Variants in DDX60L observed in about 807,000 individuals in gnomAD.
The protein encoded by DDX60L is probable ATP-dependent RNA helicase DDX60-like.
A neutral mutation model predicts 211.6 loss-of-function variants in DDX60L; 191 were observed. The ratio of observed to expected loss-of-function variants is 0.90; its 90% CI spans 0.80 to 1.02. The LOEUF (loss-of-function observed/expected upper bound fraction) is 1.02, where lower values mean the gene tolerates loss of function less well. Ranked by LOEUF, DDX60L falls within the 50% of genes least tolerant of loss-of-function variation. DDX60L has a pLI of 0.00. For missense variants in DDX60L, 2,007 were observed against 1,984.1 expected, an observed-to-expected ratio of 1.01 and a Z score of -0.22; for synonymous variants, 706 against 694.1, an observed-to-expected ratio of 1.02 and a Z score of -0.27.
chr4:168,367,419 C>T (rs558935985), intron 36 of DDX60L, among the ~76,000 whole-genome samples: 5 of 152,286 alleles, frequency 3.3e-5, no homozygotes, highest in African/African-American at 1.2e-4. Flanking sequence ...TGCCTTTCAC[C>T]TTCTGCCATG....
At chr4:168,382,571 T>G (rs1410949765) in intron 30 of DDX60L, among the ~76,000 whole-genome samples, 8 of 152,146 alleles carry the variant, frequency 5.3e-5, no homozygotes, top group Non-Finnish European at 1.0e-4. Context: ...TGAGAATACA[T>G]TCAATCTTTC....
At chr4:168,425,100 G>A (rs1282786131) in intron 14 of DDX60L, among the ~76,000 whole-genome samples, 6 of 152,192 alleles carry the variant, frequency 3.9e-5, no homozygotes, top group African/African-American at 7.2e-5. Flanking sequence ...GGTACAATAC[G>A]ATGATAGCGG....
At position 168,358,220 on chromosome 4, in the gene DDX60L, T is replaced by G; in HGVS notation, c.5048A>C (p.Lys1683Thr). The part of the protein sequence containing the change: ...NKRDNVVLAF[K>T]QLSQTFYEKL... ...CTCATAAAAGGTTTGACTCAATTGTTTAAATGCCAGGACTACATTGTCACG... is the reference window on the plus strand; with the variant it reads ...CTCATAAAAGGTTTGACTCAATTGTGTAAATGCCAGGACTACATTGTCACG... The change falls in exon 38 of 38, where the codon AAA (lysine) becomes ACA (threonine). Residue 1683 changes from lysine (K) to threonine (T), a missense_variant. Coordinates refer to ENST00000682922, the MANE Select transcript of DDX60L (RefSeq NM_001012967.3). The G allele has an allele frequency of 6.2e-7, 1 of 1,606,482 alleles. No individual in the cohort carries two copies. Among genetic ancestry groups the G allele is most frequent in the Non-Finnish European group, 8.5e-7 (1 of 1,175,514 alleles).
chr4:168,387,688 T>A (rs1744140108), intron 29 of DDX60L, among the ~76,000 whole-genome samples: 1 of 152,222 alleles, frequency 6.6e-6, no homozygotes, highest in African/African-American at 2.4e-5. Context: ...AGGACACCAC[T>A]GCAGAAAAGT....
intron 10 of DDX60L, among the ~76,000 whole-genome samples, chr4:168,436,031 A>G (rs2149968995): frequency 6.6e-6 from 1 of 152,328 alleles, no homozygotes; most frequent in South Asian, 2.1e-4. Flanking sequence ...TCTTAGGAGA[A>G]GGGTAGTTGT....
intron 29 of DDX60L, among the ~76,000 whole-genome samples, chr4:168,390,924 AT>A (rs1379516741): frequency 1.5e-4 from 23 of 152,084 alleles, no homozygotes; most frequent in Non-Finnish European, 3.4e-4. Context: ...TCCGAGTAAC[AT>A]TTCTCACTCC....
At chr4:168,416,830 G>T (rs1475575473) in intron 19 of DDX60L, 33 bp from the exon 20 acceptor site, 3 of 1,220,002 alleles carry the variant, frequency 2.5e-6, no homozygotes, top group Non-Finnish European at 1.2e-6. Context: ...TTGAAAAGTT[G>T]ATGTCAAAAT....
intron 13 of DDX60L, among the ~76,000 whole-genome samples, chr4:168,428,108 G>T (rs1751753054): frequency 6.6e-6 from 1 of 152,224 alleles, no homozygotes; most frequent in Non-Finnish European, 1.5e-5. Flanking sequence ...GAAGATGGTT[G>T]CTTCAGGATG....
At chr4:168,380,116 G>A (rs1030249799) in intron 30 of DDX60L, 15 of 270,874 alleles carry the variant, frequency 5.5e-5, no homozygotes, top group African/African-American at 2.6e-4. Flanking sequence ...CTGAAAAAAT[G>A]AAGTATGAAA....
Position 168,371,683 on chromosome 4 carries a change from T to C in DDX60L, c.4857A>G (p.Arg1619=). ...TGAGCACATATGCATTTAGTGGCAT[T>C]CTCCTTCCTCGGTTATCTAATTTCC... The part of the protein sequence containing the change: ...WPWKLDNRGR[R]MPLNAYVLNF... The change falls in exon 36 of 38, where the codon AGA becomes AGG. Residue 1619 remains arginine, a synonymous_variant. Coordinates refer to ENST00000682922, the MANE Select transcript of DDX60L (RefSeq NM_001012967.3). 6.2e-7 allele frequency: 1 copy of C among 1,608,558 alleles called. No homozygotes were observed. Among genetic ancestry groups the C allele is most frequent in the Non-Finnish European group, 8.5e-7 (1 of 1,177,266 alleles).
At chr4:168,379,890 T>C (rs1049722508) in intron 30 of DDX60L, 60 bp from the exon 31 acceptor site, 2 of 1,223,256 alleles carry the variant, frequency 1.6e-6, no homozygotes, top group Non-Finnish European at 2.3e-6. Context: ...AATACTGATA[T>C]GTAATAAATA....
intron 1 of DDX60L, among the ~76,000 whole-genome samples, chr4:168,473,746 A>G (rs1419298800): frequency 6.6e-6 from 1 of 152,162 alleles, no homozygotes; most frequent in African/African-American, 2.4e-5. Flanking sequence ...GTCACCCCCA[A>G]AATAAGTTTC....
chr4:168,403,507 C>G (rs1331904239), intron 25 of DDX60L, among the ~76,000 whole-genome samples: 27 of 152,186 alleles, frequency 1.8e-4, no homozygotes, highest in Admixed American at 1.7e-3. Context: ...TTCTCCTAAT[C>G]AAAGAGAGAT....
chr4:168,433,046 A>G lies in DDX60L; in HGVS notation c.1364T>C (p.Val455Ala), dbSNP rs1752577233. ...PMTSAVIDEFVGDMMKDLPIL... is the reference protein window; with the variant it reads ...PMTSAVIDEFAGDMMKDLPIL... ...AGGCAAATCCTTCATCATATCTCCAACAAACTCATCAATTACAGCAGATGT... is the reference window on the plus strand; with the variant it reads ...AGGCAAATCCTTCATCATATCTCCAGCAAACTCATCAATTACAGCAGATGT... The change falls in exon 11 of 38, where the codon GTT (valine) becomes GCT (alanine). Residue 455 changes from valine to alanine, a missense_variant. Transcript: ENST00000682922. 6.2e-7 allele frequency: 1 copy of G among 1,609,824 alleles called. No individual in the cohort carries two copies. Among genetic ancestry groups the G allele is most frequent in the Non-Finnish European group, 8.5e-7 (1 of 1,177,826 alleles).
Position 168,379,444 on chromosome 4 carries a change from C to A in DDX60L, c.4282G>T (p.Gly1428Cys). 6.2e-7 allele frequency: 1 copy of A among 1,601,050 alleles called. No individual in the cohort carries two copies. Among genetic ancestry groups the A allele is most frequent in the African/African-American group, 1.3e-5 (1 of 74,366 alleles). Residue 1428 changes from glycine (G) to cysteine (C), a missense_variant, in exon 32 of 38, where the codon GGT (glycine) becomes TGT (cysteine). Transcript: ENST00000682922. ...AAAACAAGATTTGAAGGTTCATGAC[C>A]ATGCAAATATGATGCAAGTCCTGCA... ...KFAGLASYLH[G>C]HEPSNLVFVN...
rs975156922 is a variant in DDX60L, at chr4:168,356,997, T to C, written c.*1150A>G. On this transcript the variant is annotated 3_prime_UTR_variant, in exon 38 of 38. Transcript: ENST00000682922. ...TCCTTCAGAGTACCGTATTCATTTA[T>C]CACAGCAAAAACGCACCTTTAAAGG... 6.6e-6 allele frequency: 1 copy of C among 152,214 alleles called. No individual in the cohort carries two copies. The highest frequency in any genetic ancestry group is 2.4e-5 in the African/African-American group (1 of 41,464). The allele number at this position is 152,214 out of a possible 1,614,324, so 9.4% of individuals were successfully genotyped here.
chr4:168,373,546 T>C (rs2149646061), intron 35 of DDX60L, 120 bp downstream of exon 35: 1 of 985,694 alleles, frequency 1.0e-6, no homozygotes, highest in East Asian at 2.4e-5. Flanking sequence ...TAGACAATGA[T>C]GCTCATCAGT....
Position 168,453,298 on chromosome 4 carries a change from A to C in DDX60L, c.838-16T>G. The C allele has an allele frequency of 6.2e-7, 1 of 1,602,254 alleles. No individual in the cohort carries two copies. Among genetic ancestry groups the C allele is most frequent in the Non-Finnish European group, 8.5e-7 (1 of 1,174,432 alleles). On this transcript the variant is annotated splice_polypyrimidine_tract_variant and intron_variant, in intron 7 of 37. Coordinates refer to ENST00000682922, the MANE Select transcript of DDX60L (RefSeq NM_001012967.3). ...TACTGTGCACCTGCGTACAATAAAG[A>C]AGATGAGAACAGTCACAATGTCACG...
At chr4:168,431,412 A>G (rs1297109664) in intron 12 of DDX60L, among the ~76,000 whole-genome samples, 1 of 152,174 alleles carries the variant, frequency 6.6e-6, no homozygotes, top group Non-Finnish European at 1.5e-5. Context: ...CTTCGTAGAC[A>G]CTTACATAAA....
Sources: allele counts gnomAD v4.1 joint callset (sites outside exome capture counted in the v4.1 genomes callset), GRCh38; gene constraint gnomAD v4.1.1; transcripts MANE v1.5; gene names NCBI Gene and HGNC (gene_info 2026-07-23, HGNC 2026-07-21).